ZNF681: variants seen among roughly 807,000 people sequenced by gnomAD.
The protein encoded by ZNF681 is hypothetical protein FLJ31526.
In ZNF681, 37 loss-of-function variants were observed where a neutral mutation model predicts 56.0. The observed-to-expected ratio is 0.66, with a 90% CI of 0.51 to 0.87. ZNF681 has a LOEUF of 0.87. Among genes scored for constraint, ZNF681 ranks in the 40% least tolerant of loss-of-function variants. The pLI, the probability that ZNF681 is intolerant of heterozygous loss-of-function variation, is 0.00. For missense variants in ZNF681, 741 were observed against 744.9 expected (o/e 0.99, Z 0.06); for synonymous variants, 225 against 248.6 (o/e 0.91, Z 0.89).
intron 3 of ZNF681, among the ~76,000 whole-genome samples, chr19:23,750,060 G>A (rs2144846684): frequency 6.6e-6 from 1 of 151,194 alleles, no homozygotes; most frequent in African/African-American, 2.4e-5. Flanking sequence ...CGAGGTGAGC[G>A]GATCACCTGA....
intron 3 of ZNF681, among the ~76,000 whole-genome samples, chr19:23,753,888 A>G (rs1354967666): frequency 4.1e-5 from 6 of 147,846 alleles, no homozygotes; most frequent in African/African-American, 1.5e-4. Flanking sequence ...GTGCCATGTT[A>G]TTCAAAATGA....
At chr19:23,746,237 C>T (rs1490815445) in intron 3 of ZNF681, among the ~76,000 whole-genome samples, 3 of 151,838 alleles carry the variant, frequency 2.0e-5, no homozygotes, top group African/African-American at 7.3e-5. Flanking sequence ...TCACTTGAAT[C>T]TGGGAGACGG....
At chr19:23,752,058 A>C (rs1404891715) in intron 3 of ZNF681, among the ~76,000 whole-genome samples, 2 of 152,096 alleles carry the variant, frequency 1.3e-5, no homozygotes, top group Non-Finnish European at 2.9e-5. Flanking sequence ...CCAATCTCCA[A>C]ATTAAGTGCC....
chr19:23,750,541 TA>T (rs985534152), intron 3 of ZNF681, among the ~76,000 whole-genome samples: 2 of 151,070 alleles, frequency 1.3e-5, no homozygotes, highest in African/African-American at 4.9e-5. Flanking sequence ...AAACCTACAC[TA>T]AAAAAAACAC....
intron 1 of ZNF681, 111 bp from the exon 2 acceptor site, chr19:23,755,662 TGAAGA>T: frequency 8.1e-7 from 1 of 1,240,054 alleles, no homozygotes; most frequent in Non-Finnish European, 1.1e-6. Context: ...AATAAGAAAG[TGAAGA>T]GAACTGGTTC....
rs894277767 is a variant in ZNF681, at chr19:23,754,810, C to T, written c.226+13G>A. On this transcript the variant is annotated intron_variant, in intron 3 of 3. Coordinates refer to ENST00000402377, the MANE Select transcript of ZNF681 (RefSeq NM_138286.3). ...CTATGTTATCTGTTGTATTCACTTT[C>T]ACTCTCACCTACCTGGGGGTTCGGC... The T allele has an allele frequency of 2.1e-5, 33 of 1,608,508 alleles. No homozygotes were observed. The highest frequency in any genetic ancestry group is 1.1e-4 in the African/African-American group (8 of 74,780).
At chr19:23,750,044 G>A (rs1969001664) in intron 3 of ZNF681, among the ~76,000 whole-genome samples, 1 of 151,208 alleles carries the variant, frequency 6.6e-6, no homozygotes, top group Non-Finnish European at 1.5e-5. Flanking sequence ...CAGCACTTTG[G>A]GAGGCCGAGG....
At position 23,744,078 on chromosome 19, in the gene ZNF681, G is replaced by C; in HGVS notation, c.1472C>G (p.Ser491Ter). 6.2e-7 allele frequency: 1 copy of C among 1,603,366 alleles called. No homozygotes were observed. Among genetic ancestry groups the C allele is most frequent in the Non-Finnish European group, 8.5e-7 (1 of 1,173,262 alleles). ...AATTCTCTTATGTGTAGTAAGGATT[G>C]AGGACTGGTTAAAAGCTTTGCCACA... ...EECGKAFNQS[S>*]ILTTHKRIHT... The change falls in exon 4 of 4, where the codon TCA becomes TGA. Residue 491 changes from serine (S) to a stop codon, truncating the protein, a stop_gained. Coordinates refer to ENST00000402377, the MANE Select transcript of ZNF681 (RefSeq NM_138286.3). LOFTEE classifies it high-confidence loss of function.
Position 23,743,358 on chromosome 19 carries a change from G to A in ZNF681, c.*254C>T, listed in dbSNP as rs1230657174. 3.6e-6 allele frequency: 1 copy of A among 274,128 alleles called. No homozygotes were observed. Among genetic ancestry groups the A allele is most frequent in the East Asian group, 7.1e-5 (1 of 14,110 alleles). The allele number at this position is 274,128 out of a possible 1,614,324, so 17.0% of individuals were successfully genotyped here. A position where few individuals can be genotyped will look rare whatever the true frequency, so the allele number is the denominator to read the frequency against. On this transcript the variant is annotated 3_prime_UTR_variant, in exon 4 of 4. Transcript: ENST00000402377. ...TTCTGAAAGATTTTTGACAGTAATT[G>A]CATGTATAATGCTTTTATTAAGTAT...
At chr19:23,750,896 G>C (rs966357653) in intron 3 of ZNF681, among the ~76,000 whole-genome samples, 2 of 151,304 alleles carry the variant, frequency 1.3e-5, no homozygotes, top group African/African-American at 4.9e-5. Flanking sequence ...GGCTGAGGTA[G>C]GTGGATCATC....
rs1334779368 is a variant in ZNF681 at position 23,743,615 on chromosome 19, A to G, written c.1935T>C (p.Ser645=). ...KHKRNYAGEK[S] is the part of the protein sequence containing the mutation. ...TTTTGTTACATTCTTCACATTTCTAAGATTTCTCACCAGCATAATTTCTTT... is the reference window on the plus strand; with the variant it reads ...TTTTGTTACATTCTTCACATTTCTAGGATTTCTCACCAGCATAATTTCTTT... The change falls in exon 4 of 4, where the codon TCT becomes TCC. Residue 645 remains serine (S), a synonymous_variant. Transcript: ENST00000402377. 6.7e-7 allele frequency: 1 copy of G among 1,483,238 alleles called. No homozygotes were observed. The allele number at this position is 1,483,238 out of a possible 1,614,324, so 91.9% of individuals were successfully genotyped here. A position where few individuals can be genotyped will look rare whatever the true frequency, so the allele number is the denominator to read the frequency against.
In ZNF681 at chr19:23,743,610, T is replaced by A. The variant is rs760910414; in HGVS notation, c.*2A>T. On this transcript the variant is annotated 3_prime_UTR_variant, in exon 4 of 4. Coordinates refer to ENST00000402377, the MANE Select transcript of ZNF681 (RefSeq NM_138286.3). ...AAAGGTTTTGTTACATTCTTCACAT[T>A]TCTAAGATTTCTCACCAGCATAATT... 81 of 1,478,946 alleles carry A rather than the reference T, an allele frequency of 5.5e-5. No homozygotes were observed. Among genetic ancestry groups the A allele is most frequent in the Non-Finnish European group, 6.9e-5 (77 of 1,116,028 alleles). The allele number at this position is 1,478,946 out of a possible 1,614,324, so 91.6% of individuals were successfully genotyped here.
rs1968878037 is a variant in ZNF681, at chr19:23,741,845, G to A, written c.*1767C>T. On this transcript the variant is annotated 3_prime_UTR_variant, in exon 4 of 4. Coordinates refer to ENST00000402377, the MANE Select transcript of ZNF681 (RefSeq NM_138286.3). ...ATATTATATACCTGTATCAAAATAT[G>A]CCATATATGCCATATTTACACATAC... 6.6e-6 allele frequency: 1 copy of A among 151,906 alleles called. No individual in the cohort carries two copies. The highest frequency in any genetic ancestry group is 2.4e-5 in the African/African-American group (1 of 41,352). The allele number at this position is 151,906 out of a possible 1,614,324, so 9.4% of individuals were successfully genotyped here. A position where few individuals can be genotyped will look rare whatever the true frequency, so the allele number is the denominator to read the frequency against.
chr19:23,758,784 T>G lies in ZNF681; in HGVS notation c.-35A>C. 1 of 1,614,128 alleles carries G rather than the reference T, an allele frequency of 6.2e-7. No individual in the cohort carries two copies. Among genetic ancestry groups the G allele is most frequent in the African/African-American group, 1.3e-5 (1 of 75,044 alleles). On this transcript the variant is annotated 5_prime_UTR_variant, in exon 1 of 4. Coordinates refer to ENST00000402377, the MANE Select transcript of ZNF681 (RefSeq NM_138286.3). ...TCCGGGGGACCTGGCGTCTTAGCTATGGATCGCCAATACCTGCAGGTCAGA... is the reference window on the plus strand; with the variant it reads ...TCCGGGGGACCTGGCGTCTTAGCTAGGGATCGCCAATACCTGCAGGTCAGA...
chr19:23,756,880 T>C (rs1287127302), intron 1 of ZNF681, among the ~76,000 whole-genome samples: 1 of 151,398 alleles, frequency 6.6e-6, no homozygotes, highest in African/African-American at 2.4e-5. Flanking sequence ...AAAAATTTAT[T>C]TTTTTTTTGA....
At position 23,758,815 on chromosome 19, in the gene ZNF681, A is replaced by G; in HGVS notation, c.-66T>C. The stretch of plus-strand genomic sequence containing the variant: ...GCCAATACCTGCAGGTCAGAGGGCC[A>G]TAGAGGCTGGGCCTCTAGAAGAAGA... On this transcript the variant is annotated 5_prime_UTR_variant, in exon 1 of 4. It removes an upstream start codon present in the reference 5' UTR. Transcript: ENST00000402377. 6.2e-7 allele frequency: 1 copy of G among 1,611,168 alleles called. No homozygotes were observed. Among genetic ancestry groups the G allele is most frequent in the Non-Finnish European group, 8.5e-7 (1 of 1,177,762 alleles).
At chr19:23,754,711 T>A in intron 3 of ZNF681, 112 bp downstream of exon 3, 1 of 909,344 alleles carries the variant, frequency 1.1e-6, no homozygotes, top group Non-Finnish European at 1.8e-6. Context: ...TTCCAGAAAC[T>A]ATTTCCTTTG....
rs915230037 is a variant in ZNF681 at position 23,742,046 on chromosome 19, C to G, written c.*1566G>C. ...ATAGTGTATAGTTACCATCATTTAC[C>G]TATACCCTTGAGTAAGATGGGATAA... On this transcript the variant is annotated 3_prime_UTR_variant, in exon 4 of 4. Transcript: ENST00000402377. The G allele has an allele frequency of 3.9e-5, 6 of 152,020 alleles. No individual in the cohort carries two copies. Among genetic ancestry groups the G allele is most frequent in the Non-Finnish European group, 8.8e-5 (6 of 67,998 alleles). The allele number at this position is 152,020 out of a possible 1,614,324, so 9.4% of individuals were successfully genotyped here. A position where few individuals can be genotyped will look rare whatever the true frequency, so the allele number is the denominator to read the frequency against.
chr19:23,745,265 G>A lies in ZNF681; in HGVS notation c.285C>T (p.Phe95=), dbSNP rs1224918527. 1.2e-6 allele frequency: 2 copies of A among 1,601,860 alleles called. No homozygotes were observed. The highest frequency in any genetic ancestry group is 8.5e-7 in the Non-Finnish European group (1 of 1,176,754). ...CATATCTTCTTGGTGTCACTTTTTG[G>A]AAAGAATCTTTTATGTTCTGCTCTG... ...FSPEQNIKDS[F]QKVTPRRYGK... is the part of the protein sequence containing the mutation. Residue 95 remains phenylalanine (F), a synonymous_variant, in exon 4 of 4, where the codon TTC becomes TTT. Transcript: ENST00000402377.
Sources: gnomAD v4.1 joint callset for allele counts (sites outside exome capture counted in the v4.1 genomes callset) on GRCh38, gnomAD v4.1.1 for gene constraint, MANE v1.5 for transcripts, NCBI Gene and HGNC (gene_info 2026-07-23, HGNC 2026-07-21) for gene names.